Variants in PIP5K1C observed in about 807,000 individuals in gnomAD.
The protein encoded by PIP5K1C is phosphatidylinositol 4-phosphate 5-kinase type-1 gamma.
Under a neutral mutation model 80.1 loss-of-function variants are expected in PIP5K1C, and 45 were observed. The ratio of observed to expected loss-of-function variants is 0.56; its 90% CI spans 0.44 to 0.72. PIP5K1C has a LOEUF of 0.72. Ranked by LOEUF, PIP5K1C falls within the 30% of genes least tolerant of loss-of-function variation. The pLI is 0.00. For synonymous variants in PIP5K1C, 498 were observed against 420.1 expected (o/e 1.19, Z -2.27); for missense variants, 753 against 954.6 (o/e 0.79, Z 2.78).
intron 1 of PIP5K1C, among the ~76,000 whole-genome samples, chr19:3,672,019 G>A (rs2035222362): frequency 1.3e-5 from 2 of 152,330 alleles, no homozygotes; most frequent in Admixed American, 6.5e-5. Context: ...CGAGGCGGGG[G>A]CTCTGCCGCT....
intron 1 of PIP5K1C, among the ~76,000 whole-genome samples, 156 bp downstream of exon 1, chr19:3,700,141 T>A (rs968037563): frequency 2.7e-5 from 4 of 150,216 alleles, no homozygotes; most frequent in Admixed American, 2.6e-4. Context: ...AGCCCCGTCC[T>A]CCCCGCGGCT....
At chr19:3,647,464 C>T in intron 9 of PIP5K1C, 78 bp from the exon 10 acceptor site, 7 of 1,239,772 alleles carry the variant, frequency 5.6e-6, no homozygotes, top group South Asian at 5.1e-5. Flanking sequence ...GGCCACTGTG[C>T]ACCCCCCAGG....
In PIP5K1C at chr19:3,700,277, C is replaced by A; in HGVS notation, c.94+20G>T. ...CGGACGAGCCCAGCGGGCCGCAGCC[C>A]CGGGAGGCCGGGCCGTTACCTGCCG... On this transcript the variant is annotated intron_variant, in intron 1 of 17. Coordinates refer to ENST00000335312, the MANE Select transcript of PIP5K1C (RefSeq NM_012398.3). The A allele has an allele frequency of 8.1e-7, 1 of 1,232,298 alleles. No individual in the cohort carries two copies. The highest frequency in any genetic ancestry group is 1.6e-5 in the African/African-American group (1 of 62,278). The allele number at this position is 1,232,298 out of a possible 1,614,324, so 76.3% of individuals were successfully genotyped here. A position where few individuals can be genotyped will look rare whatever the true frequency, so the allele number is the denominator to read the frequency against.
chr19:3,656,164 G>A (rs2034623569), intron 6 of PIP5K1C, among the ~76,000 whole-genome samples: 1 of 152,178 alleles, frequency 6.6e-6, no homozygotes, highest in Non-Finnish European at 1.5e-5. Flanking sequence ...TGCCCACCCA[G>A]CCCTGCCCGG....
intron 12 of PIP5K1C, 25 bp downstream of exon 12, chr19:3,644,062 G>A (rs1237630192): frequency 6.2e-7 from 1 of 1,608,998 alleles, no homozygotes; most frequent in Non-Finnish European, 8.5e-7. Context: ...GCGCCCACAA[G>A]CGCACTCTGC....
chr19:3,651,946 T>C lies in PIP5K1C; in HGVS notation c.1007A>G (p.Gln336Arg). Reference sequence around the variant, plus strand: ...CTCATCTGAGGTGCTCTGGGCGCCCTGCGCCTGCCGCTCGCGCTCGTGCTG... The same window carrying C: ...CTCATCTGAGGTGCTCTGGGCGCCCCGCGCCTGCCGCTCGCGCTCGTGCTG... ...IDQHERERQA[Q>R]GAQSTSDEKR... Residue 336 changes from glutamine to arginine, a missense_variant, in exon 8 of 18, where the codon CAG (glutamine) becomes CGG (arginine). Transcript: ENST00000335312. 6.2e-7 allele frequency: 1 copy of C among 1,612,900 alleles called. No homozygotes were observed. The highest frequency in any genetic ancestry group is 8.5e-7 in the Non-Finnish European group (1 of 1,179,964).
At chr19:3,697,969 C>T (rs566434667) in intron 1 of PIP5K1C, among the ~76,000 whole-genome samples, 2 of 152,398 alleles carry the variant, frequency 1.3e-5, no homozygotes, top group Admixed American at 6.5e-5. Flanking sequence ...ATTCTAAACA[C>T]CAACGAGACA....
chr19:3,643,029 C>T lies in PIP5K1C; in HGVS notation c.1650-90G>A, dbSNP rs562675168. On this transcript the variant is annotated intron_variant, in intron 13 of 17. Transcript: ENST00000335312. ...CCTTGCCTACCCGCCTGCCTACCTG[C>T]CCCCTGGCAGCCCTGCCCACCTGTA... 8.6e-4 allele frequency: 1,320 copies of T among 1,526,860 alleles called. 2 individuals carry two copies. Among genetic ancestry groups the T allele is most frequent in the Non-Finnish European group, 1.1e-3 (1,172 of 1,101,952 alleles). The allele number at this position is 1,526,860 out of a possible 1,614,324, so 94.6% of individuals were successfully genotyped here. A position where few individuals can be genotyped will look rare whatever the true frequency, so the allele number is the denominator to read the frequency against.
In PIP5K1C at chr19:3,692,612, G is replaced by A. The variant is rs1413866275; in HGVS notation, c.94+7685C>T. The stretch of plus-strand genomic sequence containing the variant: ...GCCCCAGCTTCGCCCACCTGGGCCA[G>A]TGCAGTCCCCTCTGCCCTGGTTCCC... On this transcript the variant is annotated intron_variant, in intron 1 of 17. Coordinates refer to ENST00000335312, the MANE Select transcript of PIP5K1C (RefSeq NM_012398.3). The surrounding 1 kb of genome is among the most constrained non-coding windows in gnomAD (Gnocchi z 5.2). Among the ~76,000 whole-genome samples, 1 of 152,088 alleles carries A rather than the reference G, an allele frequency of 6.6e-6. No individual in the cohort carries two copies. Among genetic ancestry groups the A allele is most frequent in the Non-Finnish European group, 1.5e-5 (1 of 68,002 alleles).
chr19:3,678,266 A>G (rs1202088022), intron 1 of PIP5K1C, among the ~76,000 whole-genome samples: 6 of 49,428 alleles, frequency 1.2e-4, no homozygotes, highest in South Asian at 9.0e-4. Context: ...GGGGTGGAGG[A>G]ATGGAGAATG....
At position 3,651,870 on chromosome 19, in the gene PIP5K1C, G is replaced by T; in HGVS notation, c.1083C>A (p.Ile361=). 6.2e-7 allele frequency: 1 copy of T among 1,612,700 alleles called. No homozygotes were observed. ...KALYSTAMES[I]QGGAARGEAI... is the part of the protein sequence containing the mutation. ...CCTCCCCGCGCGCGGCGCCACCCTGGATGGACTCCATGGCCGTGGAGTAGA... is the reference window on the plus strand; with the variant it reads ...CCTCCCCGCGCGCGGCGCCACCCTGTATGGACTCCATGGCCGTGGAGTAGA... Residue 361 remains isoleucine, a synonymous_variant, in exon 8 of 18, where the codon ATC becomes ATA. Transcript: ENST00000335312.
intron 16 of PIP5K1C, among the ~76,000 whole-genome samples, chr19:3,635,222 G>A (rs1257868658): frequency 6.6e-6 from 1 of 152,272 alleles, no homozygotes; most frequent in Non-Finnish European, 1.5e-5. Flanking sequence ...CGTGGGCAGG[G>A]ATGACAGTAT....
chr19:3,690,183 A>AG (rs1206950653), intron 1 of PIP5K1C, among the ~76,000 whole-genome samples: 1 of 151,932 alleles, frequency 6.6e-6, no homozygotes, highest in Non-Finnish European at 1.5e-5. Flanking sequence ...GTAAAGGCAG[A>AG]GGAGTGGAGC....
intron 2 of PIP5K1C, among the ~76,000 whole-genome samples, chr19:3,666,064 C>G (rs377529097): frequency 6.6e-6 from 1 of 152,176 alleles, no homozygotes. Flanking sequence ...CCCCGCCACC[C>G]GGGCCACCCT....
Position 3,633,478 on chromosome 19 carries a change from T to G in PIP5K1C, c.1963A>C (p.Ser655Arg). 2 of 1,511,460 alleles carry G rather than the reference T, an allele frequency of 1.3e-6. No homozygotes were observed. Among genetic ancestry groups the G allele is most frequent in the Non-Finnish European group, 8.9e-7 (1 of 1,127,074 alleles). The allele number at this position is 1,511,460 out of a possible 1,614,324, so 93.6% of individuals were successfully genotyped here. Residue 655 changes from serine (S) to arginine (R), a missense_variant, in exon 17 of 18, where the codon AGC becomes CGC. Transcript: ENST00000335312. ...RSWVYSPLHY[S>R]AQAPPASDGE... Reference sequence around the variant, plus strand: ...TCGGAGGCCGGGGGGGCCTGGGCGCTATAGTGGAGCGGGGAGTACACCCAG... The same window carrying G: ...TCGGAGGCCGGGGGGGCCTGGGCGCGATAGTGGAGCGGGGAGTACACCCAG...
chr19:3,633,461 CGG>C lies in PIP5K1C; in HGVS notation c.1978_1979del (p.Pro660GlyfsTer81). On this transcript the variant is annotated frameshift_variant, in exon 17 of 18. Coordinates refer to ENST00000335312, the MANE Select transcript of PIP5K1C (RefSeq NM_012398.3). LOFTEE classifies it high-confidence loss of function. ...SPLHYSAQAP[P>X]ASDGESDT Reference sequence around the variant, plus strand: ...CTGTGTCGCTCTCGCCGTCGGAGGCCGGGGGGGCCTGGGCGCTATAGTGGAGC... The same window carrying C: ...CTGTGTCGCTCTCGCCGTCGGAGGCCGGGGGCCTGGGCGCTATAGTGGAGC... The C allele has an allele frequency of 6.7e-7, 1 of 1,502,028 alleles. No individual in the cohort carries two copies. 93.0% of individuals were successfully genotyped at this position (1,502,028 alleles called of 1,614,324 possible). A position where few individuals can be genotyped will look rare whatever the true frequency, so the allele number is the denominator to read the frequency against.
chr19:3,636,008 T>C (rs1399356810), intron 16 of PIP5K1C, among the ~76,000 whole-genome samples: 1 of 150,352 alleles, frequency 6.7e-6, no homozygotes, highest in Non-Finnish European at 1.5e-5. Flanking sequence ...AAACTCAAAA[T>C]TAGCCAGGCA....
chr19:3,694,405 C>A (rs920954930), intron 1 of PIP5K1C, among the ~76,000 whole-genome samples: 1 of 152,134 alleles, frequency 6.6e-6, no homozygotes, highest in African/African-American at 2.4e-5. Context: ...GCCACAGTGC[C>A]TGGGCTCCCA....
In PIP5K1C at chr19:3,656,420, G is replaced by A. The variant is rs761319607; in HGVS notation, c.606C>T (p.Leu202=). The A allele has an allele frequency of 6.2e-7, 1 of 1,613,482 alleles. No individual in the cohort carries two copies. The highest frequency in any genetic ancestry group is 1.3e-5 in the African/African-American group (1 of 75,074). Reference sequence around the variant, plus strand: ...GGCCACGCACCATGTAGTAGCCAGGGAGCAGCTTCTGCAGGAACTCGGCCT... The same window carrying A: ...GGCCACGCACCATGTAGTAGCCAGGAAGCAGCTTCTGCAGGAACTCGGCCT... ...HKEAEFLQKL[L]PGYYMNLNQN... is the part of the protein sequence containing the mutation. Residue 202 remains leucine, a synonymous_variant, in exon 6 of 18, where the codon CTC becomes CTT. Transcript: ENST00000335312.
Sources: allele counts gnomAD v4.1 joint callset (sites outside exome capture counted in the v4.1 genomes callset), GRCh38; gene constraint gnomAD v4.1.1; non-coding constraint Gnocchi (gnomAD v3.1); transcripts MANE v1.5; gene names NCBI Gene and HGNC (gene_info 2026-07-23, HGNC 2026-07-21).